The following PRKD1 variants were observed in gnomAD, a reference collection of about 807,000 sequenced individuals.
The protein encoded by PRKD1 is serine/threonine-protein kinase D1.
PRKD1 carries 63 observed loss-of-function variants against 95.9 expected under a neutral mutation model. The ratio of observed to expected loss-of-function variants is 0.66; its 90% CI spans 0.54 to 0.81. PRKD1 has a LOEUF of 0.81. Ranked by LOEUF, PRKD1 falls within the 30% of genes least tolerant of loss-of-function variation. The pLI is 0.00. For missense variants in PRKD1, 1,048 were observed against 1,165.3 expected (o/e 0.90, Z 1.47); for synonymous variants, 425 against 423.1 (o/e 1.00, Z -0.05).
intron 1 of PRKD1, among the ~76,000 whole-genome samples, chr14:29,904,649 A>T (rs1156791722): frequency 6.6e-6 from 1 of 152,190 alleles, no homozygotes; most frequent in Admixed American, 6.5e-5. Context: ...TGAGAAGTGG[A>T]TTCCTACTGA....
chr14:29,878,307 T>C (rs1320276646), intron 1 of PRKD1, among the ~76,000 whole-genome samples: 1 of 149,218 alleles, frequency 6.7e-6, no homozygotes. Context: ...AAATAAAAGT[T>C]TTTTTTTTAA....
At chr14:29,720,742 T>A (rs1233041495) in intron 2 of PRKD1, among the ~76,000 whole-genome samples, 1 of 150,960 alleles carries the variant, frequency 6.6e-6, no homozygotes, top group Admixed American at 6.6e-5. Flanking sequence ...ATTGAGCCAC[T>A]GCACTCCAGC....
chr14:29,782,585 C>T (rs1398582666), intron 1 of PRKD1, among the ~76,000 whole-genome samples: 4 of 152,012 alleles, frequency 2.6e-5, no homozygotes, highest in Admixed American at 6.6e-5. Context: ...AGGCTAGATG[C>T]GGTGGTGCTA....
At chr14:29,816,950 C>T (rs1006379645) in intron 1 of PRKD1, among the ~76,000 whole-genome samples, 1 of 152,056 alleles carries the variant, frequency 6.6e-6, no homozygotes, top group African/African-American at 2.4e-5. Context: ...ACATACTAGG[C>T]TCCCAAAATG....
chr14:29,779,958 G>C (rs1337651657), intron 1 of PRKD1, among the ~76,000 whole-genome samples: 1 of 152,134 alleles, frequency 6.6e-6, no homozygotes, highest in Non-Finnish European at 1.5e-5. Flanking sequence ...CAATGGAACA[G>C]AACAGACCCC....
intron 11 of PRKD1, among the ~76,000 whole-genome samples, chr14:29,628,745 T>C (rs191959309): frequency 1.3e-5 from 2 of 152,250 alleles, no homozygotes; most frequent in East Asian, 3.9e-4. Context: ...CTGTGTAATA[T>C]CAACCATTAA....
chr14:29,648,802 T>C (rs549001938), intron 4 of PRKD1, among the ~76,000 whole-genome samples: 2 of 152,186 alleles, frequency 1.3e-5, no homozygotes, highest in Non-Finnish European at 2.9e-5. Flanking sequence ...CTACAGGCAC[T>C]CACCACCATG....
chr14:29,841,407 T>C (rs1891837983), intron 1 of PRKD1, among the ~76,000 whole-genome samples: 1 of 152,120 alleles, frequency 6.6e-6, no homozygotes, highest in Non-Finnish European at 1.5e-5. Context: ...GAGTTCTAAC[T>C]CCCACAATTC....
chr14:29,863,210 C>T (rs1274879943), intron 1 of PRKD1, among the ~76,000 whole-genome samples: 2 of 152,122 alleles, frequency 1.3e-5, no homozygotes, highest in Non-Finnish European at 2.9e-5. Context: ...TTTCACATTA[C>T]AGACATTTAG....
intron 1 of PRKD1, among the ~76,000 whole-genome samples, chr14:29,855,763 C>T (rs12587091): frequency 0.11 from 17,042 of 152,056 alleles, 1,075 homozygotes; most frequent in East Asian, 0.24. Context: ...CTTTCCCATG[C>T]TATTCTCCTG....
At chr14:29,770,667 G>A (rs1465606406) in intron 1 of PRKD1, among the ~76,000 whole-genome samples, 9 of 152,116 alleles carry the variant, frequency 5.9e-5, no homozygotes, top group Admixed American at 5.9e-4. Flanking sequence ...GATATCTGGT[G>A]AAAGAGATAT....
At chr14:29,841,607 C>T (rs915727393) in intron 1 of PRKD1, among the ~76,000 whole-genome samples, 4 of 152,106 alleles carry the variant, frequency 2.6e-5, no homozygotes, top group East Asian at 3.9e-4. Flanking sequence ...TCTTGCCTTC[C>T]GCCATGATTA....
intron 4 of PRKD1, among the ~76,000 whole-genome samples, chr14:29,655,924 A>AATATAT (rs573500211): frequency 1.3e-4 from 19 of 149,588 alleles, no homozygotes; most frequent in African/African-American, 4.6e-4. Context: ...TATAATAAAA[A>AATATAT]ATATATATAT....
intron 16 of PRKD1, among the ~76,000 whole-genome samples, chr14:29,588,629 C>A (rs1893016116): frequency 1.3e-5 from 2 of 152,084 alleles, no homozygotes; most frequent in African/African-American, 4.8e-5. Context: ...CAAATACGAC[C>A]ATGGAGGTTG....
chr14:29,877,883 T>C (rs541552075), intron 1 of PRKD1, among the ~76,000 whole-genome samples: 59 of 152,284 alleles, frequency 3.9e-4, no homozygotes, highest in African/African-American at 1.4e-3. Flanking sequence ...ACAATAGCAA[T>C]GACAGGGAAT....
intron 1 of PRKD1, among the ~76,000 whole-genome samples, chr14:29,796,072 A>T (rs1436747317): frequency 1.3e-5 from 2 of 152,168 alleles, no homozygotes; most frequent in African/African-American, 4.8e-5. Context: ...CTTCTAAACA[A>T]GCAAATGATT....
intron 1 of PRKD1, among the ~76,000 whole-genome samples, chr14:29,802,751 G>A (rs990010912): frequency 1.3e-5 from 2 of 152,164 alleles, no homozygotes; most frequent in African/African-American, 4.8e-5. Flanking sequence ...TATCCTTCAA[G>A]ACCAACCAAT....
intron 1 of PRKD1, among the ~76,000 whole-genome samples, chr14:29,769,955 G>A (rs1888429908): frequency 6.6e-6 from 1 of 152,156 alleles, no homozygotes; most frequent in South Asian, 2.1e-4. Context: ...GTATTAAGAA[G>A]TGGAACCTTG....
intron 1 of PRKD1, among the ~76,000 whole-genome samples, chr14:29,726,048 C>T (rs929048665): frequency 7.2e-5 from 11 of 152,088 alleles, no homozygotes; most frequent in African/African-American, 1.7e-4. Context: ...AAATGGGAGT[C>T]GCTTTATTCC....
Sources: allele counts gnomAD v4.1 joint callset (sites outside exome capture counted in the v4.1 genomes callset), GRCh38; gene constraint gnomAD v4.1.1; transcripts MANE v1.5; gene names NCBI Gene and HGNC (gene_info 2026-07-23, HGNC 2026-07-21).